ARHGAP6: variants seen among roughly 807,000 people sequenced by gnomAD.
ARHGAP6 encodes the protein rho GTPase-activating protein 6.
In ARHGAP6, 16 loss-of-function variants were observed where a neutral mutation model predicts 55.7. The ratio of observed to expected loss-of-function variants is 0.29; its 90% CI spans 0.19 to 0.44. ARHGAP6 has a LOEUF of 0.44. Among genes scored for constraint, ARHGAP6 ranks in the 20% least tolerant of loss-of-function variants. ARHGAP6 has a pLI of 1.00. For synonymous variants in ARHGAP6, 382 were observed against 360.9 expected (o/e 1.06, Z -0.66); for missense variants, 698 against 808.9 (o/e 0.86, Z 1.66).
intron 1 of ARHGAP6, among the ~76,000 whole-genome samples, chrX:11,418,813 C>T (rs1175378248): frequency 8.9e-6 from 1 of 111,788 alleles, no homozygotes; most frequent in Non-Finnish European, 1.9e-5. Context: ...AAGAAAGAGA[C>T]ATTTGAAGCA....
At chrX:11,330,089 C>T (rs933369766) in intron 1 of ARHGAP6, among the ~76,000 whole-genome samples, 2 of 113,000 alleles carry the variant, frequency 1.8e-5, no homozygotes, top group African/African-American at 6.4e-5. Flanking sequence ...AATTTTTTAG[C>T]ACTGACTACA....
intron 9 of ARHGAP6, among the ~76,000 whole-genome samples, chrX:11,163,902 G>C (rs967370881): frequency 1.6e-4 from 18 of 109,154 alleles, no homozygotes; most frequent in Non-Finnish European, 3.3e-4. Flanking sequence ...AGCAGTCTTT[G>C]CTCCATGGCA....
chrX:11,261,805 G>A (rs761740831), intron 1 of ARHGAP6, among the ~76,000 whole-genome samples: 2 of 111,360 alleles, frequency 1.8e-5, no homozygotes, highest in African/African-American at 6.5e-5. Flanking sequence ...GACATTTTTG[G>A]TTGTTATAAC....
chrX:11,532,511 T>C (rs1334227945), intron 1 of ARHGAP6, among the ~76,000 whole-genome samples: 2 of 112,459 alleles, frequency 1.8e-5, no homozygotes, highest in African/African-American at 6.5e-5. Context: ...AGAAAAAAAC[T>C]TCCCATGCAA....
At chrX:11,159,501 G>A (rs1569235072) in intron 9 of ARHGAP6, among the ~76,000 whole-genome samples, 1 of 110,565 alleles carries the variant, frequency 9.0e-6, no homozygotes, top group Non-Finnish European at 1.9e-5. Context: ...AGAGAAGAGA[G>A]GGAGAGGGAG....
At chrX:11,232,597 C>T (rs2047149248) in intron 2 of ARHGAP6, among the ~76,000 whole-genome samples, 1 of 111,672 alleles carries the variant, frequency 9.0e-6, no homozygotes, top group Non-Finnish European at 1.9e-5. Context: ...CATGCCACTG[C>T]ACTCCAGCCT....
At chrX:11,380,376 C>T (rs2049248669) in intron 1 of ARHGAP6, among the ~76,000 whole-genome samples, 1 of 112,026 alleles carries the variant, frequency 8.9e-6, no homozygotes, top group South Asian at 3.8e-4. Flanking sequence ...CCATGAGTCA[C>T]ATTTGTTCCT....
At chrX:11,562,959 A>C (rs975473072) in intron 1 of ARHGAP6, among the ~76,000 whole-genome samples, 1 of 112,354 alleles carries the variant, frequency 8.9e-6, no homozygotes, top group African/African-American at 3.2e-5. Context: ...TTATACTTCT[A>C]GTTTAATTGC....
chrX:11,608,609 C>G (rs1417955856), intron 1 of ARHGAP6, among the ~76,000 whole-genome samples: 1 of 111,616 alleles, frequency 9.0e-6, no homozygotes, highest in Non-Finnish European at 1.9e-5. Flanking sequence ...TCTGTGCCCC[C>G]ACCCAAATCT....
At chrX:11,454,330 T>G (rs1290845852) in intron 1 of ARHGAP6, among the ~76,000 whole-genome samples, 1 of 110,331 alleles carries the variant, frequency 9.1e-6, no homozygotes, top group African/African-American at 3.3e-5. Context: ...ATGAAGCTCC[T>G]TTTCTATAAA....
At chrX:11,297,133 T>G (rs750739349) in intron 1 of ARHGAP6, among the ~76,000 whole-genome samples, 1 of 112,192 alleles carries the variant, frequency 8.9e-6, no homozygotes, top group African/African-American at 3.2e-5. Flanking sequence ...ACCAGCTTGG[T>G]TCTAACCCAG....
intron 2 of ARHGAP6, among the ~76,000 whole-genome samples, chrX:11,210,372 T>C (rs2046774859): frequency 8.9e-6 from 1 of 112,704 alleles, no homozygotes; most frequent in African/African-American, 3.2e-5. Context: ...GTTGTCAGTA[T>C]TGAGGTCCAA....
chrX:11,579,719 A>G (rs1043073948), intron 1 of ARHGAP6, among the ~76,000 whole-genome samples: 1 of 112,305 alleles, frequency 8.9e-6, no homozygotes, highest in Middle Eastern at 4.2e-3. Flanking sequence ...TAAATGAATT[A>G]TTATGATTCT....
intron 1 of ARHGAP6, among the ~76,000 whole-genome samples, chrX:11,649,068 T>C (rs2052558807): frequency 8.9e-6 from 1 of 112,481 alleles, no homozygotes; most frequent in African/African-American, 3.2e-5. Flanking sequence ...AAATTCTTTG[T>C]CACTTCTTCC....
intron 1 of ARHGAP6, among the ~76,000 whole-genome samples, chrX:11,325,419 C>T (rs954145019): frequency 1.8e-5 from 2 of 111,924 alleles, no homozygotes; most frequent in Non-Finnish European, 3.8e-5. Flanking sequence ...AATATGAAAG[C>T]TATTATTTTT....
chrX:11,411,424 C>A (rs892797559), intron 1 of ARHGAP6, among the ~76,000 whole-genome samples: 4 of 105,703 alleles, frequency 3.8e-5, no homozygotes, highest in Non-Finnish European at 7.8e-5. Context: ...GTAAATGTAC[C>A]AAATTGTGTA....
At chrX:11,612,754 G>A (rs2052117548) in intron 1 of ARHGAP6, among the ~76,000 whole-genome samples, 1 of 112,398 alleles carries the variant, frequency 8.9e-6, no homozygotes, top group African/African-American at 3.2e-5. Context: ...ATAGAGGAGA[G>A]GTCTATAATA....
intron 1 of ARHGAP6, among the ~76,000 whole-genome samples, chrX:11,519,712 A>G (rs1192610283): frequency 1.8e-5 from 2 of 108,697 alleles, no homozygotes; most frequent in Non-Finnish European, 3.8e-5. Flanking sequence ...TCTTTGACAA[A>G]CCTGAGAAAA....
At chrX:11,530,190 C>T (rs935545160) in intron 1 of ARHGAP6, among the ~76,000 whole-genome samples, 3 of 111,612 alleles carry the variant, frequency 2.7e-5, no homozygotes, top group African/African-American at 9.8e-5. Context: ...GTCATTCACA[C>T]TCATCCATCC....
Sources: gnomAD v4.1 joint callset for allele counts (sites outside exome capture counted in the v4.1 genomes callset) on GRCh38, gnomAD v4.1.1 for gene constraint, MANE v1.5 for transcripts, NCBI Gene and HGNC (gene_info 2026-07-23, HGNC 2026-07-21) for gene names.